The following NELL1 variants were observed in gnomAD, a reference collection of about 807,000 sequenced individuals.
The protein encoded by NELL1 is neural EGFL like 1.
NELL1 carries 76 observed loss-of-function variants against 107.4 expected under a neutral mutation model. The observed-to-expected ratio is 0.71, with a 90% CI of 0.59 to 0.86. The LOEUF is 0.86. Among genes scored for constraint, NELL1 ranks in the 40% least tolerant of loss-of-function variants. The pLI, the probability that NELL1 is intolerant of heterozygous loss-of-function variation, is 0.00. For synonymous variants in NELL1, 353 were observed against 341.2 expected (o/e 1.03, Z -0.38); for missense variants, 1,024 against 1,005.5 (o/e 1.02, Z -0.25).
chr11:21,090,503 G>A (rs929634878), intron 12 of NELL1, among the ~76,000 whole-genome samples: 5 of 152,158 alleles, frequency 3.3e-5, no homozygotes, highest in South Asian at 2.1e-4. Flanking sequence ...TGAACTTGGG[G>A]TCAGGGGTTT....
At chr11:21,369,810 A>G (rs1186169704) in intron 14 of NELL1, among the ~76,000 whole-genome samples, 1 of 152,136 alleles carries the variant, frequency 6.6e-6, no homozygotes, top group African/African-American at 2.4e-5. Context: ...ATTCTTGGTT[A>G]TCCAGCAAGG....
intron 2 of NELL1, among the ~76,000 whole-genome samples, chr11:20,765,898 T>C (rs1856519793): frequency 6.6e-6 from 1 of 152,250 alleles, no homozygotes; most frequent in African/African-American, 2.4e-5. Flanking sequence ...AGTATATTCA[T>C]GGTGTATAAC....
chr11:21,386,595 C>T (rs569193809), intron 15 of NELL1, among the ~76,000 whole-genome samples: 2 of 151,890 alleles, frequency 1.3e-5, no homozygotes, highest in Middle Eastern at 3.4e-3. Context: ...TAAAGAACTG[C>T]GGACTGCACT....
chr11:21,326,062 TTTTTTTTTTTTTTTTTTTTG>T lies in NELL1; in HGVS notation c.1550-44790_1550-44771del, dbSNP rs1160787419. ...GTGTTAATCCTAGTTTTTTTTTTTT[TTTTTTTTTTTTTTTTTTTTG>T]GGCTATTTTGAGTAAAGCTTAAATG... On this transcript the variant is annotated intron_variant, in intron 14 of 19. Coordinates refer to ENST00000357134, the MANE Select transcript of NELL1 (RefSeq NM_006157.5). 5.0e-4 allele frequency among the ~76,000 whole-genome samples: 45 copies of T among 90,190 alleles called. 3 individuals carry two copies. In the South Asian group the frequency reaches 0.019, roughly 38 times the overall value. The allele number at this position is 90,190 out of a possible 152,430, so 59.2% of individuals were successfully genotyped here. A position where few individuals can be genotyped will look rare whatever the true frequency, so the allele number is the denominator to read the frequency against.
intron 14 of NELL1, among the ~76,000 whole-genome samples, chr11:21,338,264 G>A (rs1028080476): frequency 5.3e-5 from 8 of 152,278 alleles, no homozygotes; most frequent in African/African-American, 1.9e-4. Flanking sequence ...GCAAATCAGA[G>A]CACTGTGAGC....
intron 15 of NELL1, among the ~76,000 whole-genome samples, chr11:21,449,247 T>A (rs1295598612): frequency 6.6e-6 from 1 of 152,194 alleles, no homozygotes; most frequent in East Asian, 1.9e-4. Flanking sequence ...ATTTTAGCTG[T>A]TCTAAGAGAT....
intron 11 of NELL1, among the ~76,000 whole-genome samples, chr11:20,954,584 T>C (rs1436206395): frequency 4.6e-5 from 7 of 152,220 alleles, no homozygotes; most frequent in Non-Finnish European, 1.0e-4. Flanking sequence ...CAGATAATTA[T>C]GTGGTGCTGC....
intron 15 of NELL1, among the ~76,000 whole-genome samples, chr11:21,425,314 G>T (rs1564887748): frequency 6.6e-6 from 1 of 152,240 alleles, no homozygotes; most frequent in African/African-American, 2.4e-5. Flanking sequence ...TCCATACCTA[G>T]GTAGGTATCA....
Position 21,047,319 on chromosome 11 carries a change from T to TC in NELL1, c.1301-66264dup, listed in dbSNP as rs934160307. Among the ~76,000 whole-genome samples the TC allele has an allele frequency of 3.0e-4, 46 of 152,228 alleles. 1 individual carries two copies. Among genetic ancestry groups the TC allele is most frequent in the Admixed American group, 1.8e-3 (28 of 15,258 alleles). ...ATGTTTGAAAAAATGATAGTATGCATCCCCCCGTTTTTTTGTTTATAATTT... is the reference window on the plus strand; with the variant it reads ...ATGTTTGAAAAAATGATAGTATGCATCCCCCCCGTTTTTTTGTTTATAATTT... On this transcript the variant is annotated intron_variant, in intron 12 of 19. Coordinates refer to ENST00000357134, the MANE Select transcript of NELL1 (RefSeq NM_006157.5).
At chr11:21,360,663 G>T (rs555248006) in intron 14 of NELL1, among the ~76,000 whole-genome samples, 7 of 152,078 alleles carry the variant, frequency 4.6e-5, no homozygotes, top group South Asian at 4.2e-4. Context: ...TTGTAAATTT[G>T]GGAGCTCCAG....
intron 15 of NELL1, among the ~76,000 whole-genome samples, chr11:21,464,297 T>C (rs1299192482): frequency 1.3e-5 from 2 of 151,970 alleles, no homozygotes; most frequent in Non-Finnish European, 2.9e-5. Flanking sequence ...CACAAAGTAA[T>C]TAAACTACCT....
chr11:21,206,308 G>C (rs1281457875), intron 13 of NELL1, among the ~76,000 whole-genome samples: 1 of 152,076 alleles, frequency 6.6e-6, no homozygotes, highest in African/African-American at 2.4e-5. Flanking sequence ...GATCCACTCT[G>C]TGTATCACAG....
intron 10 of NELL1, among the ~76,000 whole-genome samples, chr11:20,938,938 C>CTG (rs1377917124): frequency 2.7e-3 from 119 of 43,802 alleles, no homozygotes; most frequent in East Asian, 6.7e-3. Flanking sequence ...CTCTCTCTCT[C>CTG]TCTGTGTGTG....
At chr11:21,506,448 C>T (rs1022258709) in intron 15 of NELL1, among the ~76,000 whole-genome samples, 2 of 152,122 alleles carry the variant, frequency 1.3e-5, no homozygotes, top group African/African-American at 4.8e-5. Context: ...AGTATAATGA[C>T]TCTGTGCTCT....
At chr11:21,473,755 T>C (rs966307419) in intron 15 of NELL1, among the ~76,000 whole-genome samples, 8 of 152,076 alleles carry the variant, frequency 5.3e-5, no homozygotes, top group African/African-American at 1.9e-4. Context: ...GAGGAAATTC[T>C]AAGGCTTACG....
At chr11:21,042,174 C>T (rs1463756811) in intron 12 of NELL1, among the ~76,000 whole-genome samples, 1 of 152,008 alleles carries the variant, frequency 6.6e-6, no homozygotes, top group Non-Finnish European at 1.5e-5. Context: ...AAACGAAAAA[C>T]AAAAATGGGC....
At chr11:21,105,862 C>CCCCT (rs1554968368) in intron 12 of NELL1, among the ~76,000 whole-genome samples, 3 of 438 alleles carry the variant, frequency 6.8e-3, no homozygotes, top group Non-Finnish European at 0.01. Context: ...TCTCTCCCCT[C>CCCCT]CCCCTCCCCT....
At chr11:20,808,727 G>A (rs940318745) in intron 3 of NELL1, among the ~76,000 whole-genome samples, 1 of 152,206 alleles carries the variant, frequency 6.6e-6, no homozygotes, top group Non-Finnish European at 1.5e-5. Flanking sequence ...GCTAGAGCTT[G>A]ACTAAATGCT....
At chr11:20,721,649 G>T (rs1002434020) in intron 2 of NELL1, among the ~76,000 whole-genome samples, 1 of 152,160 alleles carries the variant, frequency 6.6e-6, no homozygotes, top group Non-Finnish European at 1.5e-5. Flanking sequence ...CTCTAGGGAG[G>T]GGCAGCAAAT....
Sources: gnomAD v4.1 joint callset for allele counts (sites outside exome capture counted in the v4.1 genomes callset) on GRCh38, gnomAD v4.1.1 for gene constraint, MANE v1.5 for transcripts, NCBI Gene and HGNC (gene_info 2026-07-23, HGNC 2026-07-21) for gene names.